The following KIF6 variants were observed in gnomAD, a reference collection of about 807,000 sequenced individuals.
KIF6 encodes the protein kinesin family member 6.
A neutral mutation model predicts 112.7 loss-of-function variants in KIF6; 106 were observed. The ratio of observed to expected loss-of-function variants is 0.94; its 90% CI spans 0.80 to 1.11. The LOEUF (loss-of-function observed/expected upper bound fraction) is 1.11. Among genes scored for constraint, KIF6 ranks in the 50% least tolerant of loss-of-function variants. KIF6 has a pLI of 0.00. For missense variants in KIF6, 929 were observed against 964.0 expected, an observed-to-expected ratio of 0.96 and a Z score of 0.48; for synonymous variants, 339 against 339.9, an observed-to-expected ratio of 1.00 and a Z score of 0.03.
At chr6:39,474,102 A>G (rs1774288564) in intron 13 of KIF6, among the ~76,000 whole-genome samples, 1 of 152,244 alleles carries the variant, frequency 6.6e-6, no homozygotes, top group Admixed American at 6.5e-5. Context: ...AAAATAGGTA[A>G]CAACTGGGGA....
chr6:39,490,911 A>G (rs562424813), intron 13 of KIF6, among the ~76,000 whole-genome samples: 126 of 152,320 alleles, frequency 8.3e-4, no homozygotes, highest in Admixed American at 1.3e-3. Context: ...ATAAATGTAG[A>G]GCTGTGTTGC....
intron 13 of KIF6, among the ~76,000 whole-genome samples, chr6:39,454,071 G>A (rs1000419115): frequency 1.3e-5 from 2 of 152,182 alleles, no homozygotes; most frequent in African/African-American, 4.8e-5. Context: ...AAATACAGTA[G>A]ATAGAAAAGA....
intron 13 of KIF6, among the ~76,000 whole-genome samples, chr6:39,506,080 A>T (rs1776410873): frequency 1.3e-5 from 2 of 152,248 alleles, no homozygotes; most frequent in South Asian, 2.1e-4. Context: ...ACTATTCACA[A>T]TAGCAAAGAC....
intron 13 of KIF6, among the ~76,000 whole-genome samples, chr6:39,440,597 G>T (rs113481061): frequency 6.6e-6 from 1 of 151,586 alleles, no homozygotes; most frequent in African/African-American, 2.4e-5. Context: ...ACTGTTCATC[G>T]TCCCCTGTTG....
intron 3 of KIF6, among the ~76,000 whole-genome samples, chr6:39,640,933 T>C (rs1784867486): frequency 6.6e-6 from 1 of 152,162 alleles, no homozygotes; most frequent in Non-Finnish European, 1.5e-5. Flanking sequence ...GTACAGGGAA[T>C]GCGCAAGAAA....
At chr6:39,399,535 G>A (rs563242960) in intron 15 of KIF6, among the ~76,000 whole-genome samples, 1 of 152,370 alleles carries the variant, frequency 6.6e-6, no homozygotes, top group South Asian at 2.1e-4. Context: ...CACCTTGACT[G>A]ATGACATGCT....
intron 13 of KIF6, among the ~76,000 whole-genome samples, chr6:39,533,468 C>T (rs997765542): frequency 2.9e-4 from 44 of 152,176 alleles, no homozygotes; most frequent in Admixed American, 1.7e-3. Flanking sequence ...GAGGGGCGCC[C>T]GCCATTGCCC....
At chr6:39,649,776 A>G (rs1467329968) in intron 3 of KIF6, among the ~76,000 whole-genome samples, 4 of 148,124 alleles carry the variant, frequency 2.7e-5, no homozygotes, top group Non-Finnish European at 6.0e-5. Context: ...AAAGAAAGAA[A>G]AGAAACTAAA....
At chr6:39,716,668 T>C (rs1270051287) in intron 2 of KIF6, among the ~76,000 whole-genome samples, 1 of 152,210 alleles carries the variant, frequency 6.6e-6, no homozygotes. Context: ...ACTCAGAGTC[T>C]TAGAGCTCAT....
At chr6:39,570,188 T>C (rs890109007) in intron 10 of KIF6, among the ~76,000 whole-genome samples, 2 of 152,160 alleles carry the variant, frequency 1.3e-5, no homozygotes, top group African/African-American at 4.8e-5. Context: ...CCCAAACCGA[T>C]TGGACTTGGA....
At chr6:39,665,699 A>G (rs111869633) in intron 3 of KIF6, among the ~76,000 whole-genome samples, 2,988 of 152,304 alleles carry the variant, frequency 0.02, 54 homozygotes, top group Non-Finnish European at 0.029. Context: ...GAAGTCTTAC[A>G]TCGCAGTGAA....
At chr6:39,442,797 G>C (rs1437110047) in intron 13 of KIF6, among the ~76,000 whole-genome samples, 1 of 152,162 alleles carries the variant, frequency 6.6e-6, no homozygotes, top group African/African-American at 2.4e-5. Context: ...CGGAAAGGCA[G>C]CAGTTTTCTT....
Position 39,343,695 on chromosome 6 carries a change from G to A in KIF6, c.2428+14C>T. On this transcript the variant is annotated intron_variant, in intron 22 of 22. Coordinates refer to ENST00000287152, the MANE Select transcript of KIF6 (RefSeq NM_145027.6). This position sits in a 1 kb window ranked among gnomAD's most constrained non-coding sequence, Gnocchi z 4.1. ...CTGCTGCCCAGGAGGAGCCACCGAG[G>A]GAGGTGCACTTACATTGCTTCTGCA... The A allele has an allele frequency of 6.3e-7, 1 of 1,583,498 alleles. No individual in the cohort carries two copies. Among genetic ancestry groups the A allele is most frequent in the Non-Finnish European group, 8.6e-7 (1 of 1,160,596 alleles).
intron 10 of KIF6, among the ~76,000 whole-genome samples, chr6:39,574,011 T>A (rs1313015193): frequency 6.6e-6 from 1 of 152,200 alleles, no homozygotes; most frequent in East Asian, 1.9e-4. Context: ...GTCTATAGGA[T>A]CTGTTGAGGT....
intron 16 of KIF6, among the ~76,000 whole-genome samples, chr6:39,363,190 G>A (rs114767984): frequency 0.011 from 1,713 of 152,086 alleles, 34 homozygotes; most frequent in African/African-American, 0.038. Context: ...AAAAACAAAA[G>A]CCCTTCACAA....
chr6:39,358,585 C>CT (rs1406066521), intron 18 of KIF6, among the ~76,000 whole-genome samples: 5 of 152,200 alleles, frequency 3.3e-5, no homozygotes, highest in African/African-American at 1.2e-4. Context: ...CCCTTGTCGA[C>CT]CGGTCAGTGG....
intron 13 of KIF6, among the ~76,000 whole-genome samples, chr6:39,507,638 C>CCCTTCCTTCCTTCCTT (rs771041554): frequency 3.4e-5 from 1 of 29,840 alleles, no homozygotes; most frequent in African/African-American, 1.7e-4. Flanking sequence ...CTTTCCTTTC[C>CCCTTCCTTCCTTCCTT]CCTTCCTTCC....
intron 16 of KIF6, among the ~76,000 whole-genome samples, chr6:39,365,561 T>C (rs9357303): frequency 0.36 from 55,127 of 152,164 alleles, 11,739 homozygotes; most frequent in Admixed American, 0.46. Flanking sequence ...TCATCAGACA[T>C]GATAAACTGA....
intron 6 of KIF6, among the ~76,000 whole-genome samples, chr6:39,603,088 G>A (rs937651451): frequency 1.3e-5 from 2 of 152,154 alleles, no homozygotes; most frequent in Non-Finnish European, 2.9e-5. Context: ...TGAACTGTTT[G>A]TTCTAGTGCG....
Sources: gnomAD v4.1 joint callset for allele counts (sites outside exome capture counted in the v4.1 genomes callset) on GRCh38, gnomAD v4.1.1 for gene constraint, Gnocchi (gnomAD v3.1) non-coding constraint, MANE v1.5 for transcripts, NCBI Gene and HGNC (gene_info 2026-07-23, HGNC 2026-07-21) for gene names.